PKD1: variants seen among roughly 807,000 people sequenced by gnomAD.
PKD1 encodes polycystin 1, transient receptor potential channel interacting.
A neutral mutation model predicts 361.7 loss-of-function variants in PKD1; 81 were observed. That is an observed-to-expected ratio of 0.22 (90% CI 0.19 to 0.27). The LOEUF (loss-of-function observed/expected upper bound fraction) is 0.27. PKD1 is among the 10% of genes least tolerant of loss of function. PKD1 has a pLI of 1.00. For synonymous variants in PKD1, 3,615 were observed against 2,818.3 expected (o/e 1.28, Z -8.95); for missense variants, 6,399 against 6,118.3 (o/e 1.05, Z -1.53).
chr16:2,092,348 G>A (rs983367637), intron 39 of PKD1, 132 bp downstream of exon 39: 11 of 985,316 alleles, frequency 1.1e-5, no homozygotes, highest in African/African-American at 9.6e-5. Context: ...CATATACAGA[G>A]AAGGAAACGG....
chr16:2,118,095 A>G lies in PKD1; in HGVS notation c.897T>C (p.Pro299=), dbSNP rs1448251464. The G allele has an allele frequency of 8.1e-6, 13 of 1,606,896 alleles. No individual in the cohort carries two copies. The highest frequency in any genetic ancestry group is 1.1e-5 in the South Asian group (1 of 90,800). The change falls in exon 5 of 46, where the codon CCT becomes CCC. Residue 299 remains proline, a synonymous_variant. Coordinates refer to ENST00000262304, the MANE Select transcript of PKD1 (RefSeq NM_001009944.3). This position sits in a 1 kb window ranked among gnomAD's most constrained non-coding sequence, Gnocchi z 6.0. The stretch of plus-strand genomic sequence containing the variant: ...CGAAGTCCCAGCGTGTGGCAGTGAC[A>G]GGGAGCGGGGCAGCGATGTGGAAGG... ...LAAFHIAAPL[P]VTATRWDFGD...
chr16:2,113,747 A>G (rs1260670982), intron 11 of PKD1: 3 of 359,846 alleles, frequency 8.3e-6, no homozygotes, highest in African/African-American at 2.1e-5. Context: ...AGGTACCCGC[A>G]AGATGGAGAC....
rs201062488 is a variant in PKD1, at chr16:2,108,982, T to A, written c.6185A>T (p.Gln2062Leu). ...TLVLEVQDAV[Q>L]YVALQSGPCF... The stretch of plus-strand genomic sequence containing the variant: ...GGGGCCGCTCTGCAGGGCCACATAC[T>A]GGACGGCGTCCTGAACCTCCAGCAC... The change falls in exon 15 of 46, where the codon CAG (glutamine) becomes CTG (leucine). Residue 2062 changes from glutamine to leucine, a missense_variant. Gln to Leu is a moderately radical substitution (Grantham distance 113). Transcript: ENST00000262304. The A allele has an allele frequency of 1.7e-4, 276 of 1,610,228 alleles. No homozygotes were observed. Among genetic ancestry groups the A allele is most frequent in the Middle Eastern group, 4.1e-4 (2 of 4,830 alleles).
At chr16:2,095,838 T>A (rs989203573) in intron 34 of PKD1, among the ~76,000 whole-genome samples, 16 of 152,220 alleles carry the variant, frequency 1.1e-4, no homozygotes, top group Admixed American at 1.3e-4. Context: ...TGAATCTGGA[T>A]TTCACAGAGC....
rs2151702359 is a variant in PKD1 at position 2,092,596 on chromosome 16, C to T, written c.11157-4G>A. The stretch of plus-strand genomic sequence containing the variant: ...CCATGGCCAGAGCTCCTCAGACCTG[C>T]CACAGCATCAGTCACACGCTCCAGC... On this transcript the variant is annotated splice_polypyrimidine_tract_variant and splice_region_variant and intron_variant, in intron 38 of 45. Coordinates refer to ENST00000262304, the MANE Select transcript of PKD1 (RefSeq NM_001009944.3). 6.3e-7 allele frequency: 1 copy of T among 1,596,738 alleles called. No individual in the cohort carries two copies. Among genetic ancestry groups the T allele is most frequent in the South Asian group, 1.1e-5 (1 of 90,442 alleles).
intron 34 of PKD1, chr16:2,096,770 G>T (rs1341311164): frequency 4.0e-6 from 1 of 247,054 alleles, no homozygotes; most frequent in Non-Finnish European, 8.0e-6. Context: ...GCCCACCTCG[G>T]CCTCCCAAAG....
Position 2,107,839 on chromosome 16 carries a change from C to G in PKD1, c.7065+44G>C, listed in dbSNP as rs770936821. ...GGAAAACAGTAGATGACCAGGGAGGCTGGGCTGTCCAAGGCAAGTGGCCGA... is the reference window on the plus strand; with the variant it reads ...GGAAAACAGTAGATGACCAGGGAGGGTGGGCTGTCCAAGGCAAGTGGCCGA... On this transcript the variant is annotated intron_variant, in intron 16 of 45. Coordinates refer to ENST00000262304, the MANE Select transcript of PKD1 (RefSeq NM_001009944.3). 2.6e-6 allele frequency: 4 copies of G among 1,528,862 alleles called. No individual in the cohort carries two copies. In the African/African-American group the frequency reaches 5.5e-5, roughly 21 times the overall value. The allele number at this position is 1,528,862 out of a possible 1,614,324, so 94.7% of individuals were successfully genotyped here.
In PKD1 at chr16:2,088,879, G is replaced by GCACACACA. The variant is rs1371941622; in HGVS notation, c.*847_*848insTGTGTGTG. The GCACACACA allele has an allele frequency of 4.3e-6, 2 of 469,380 alleles. No homozygotes were observed. Among genetic ancestry groups the GCACACACA allele is most frequent in the African/African-American group, 6.4e-5 (2 of 31,028 alleles). The allele number at this position is 469,380 out of a possible 1,614,324, so 29.1% of individuals were successfully genotyped here. ...ATACAGCACACTCGCGCGTGCGCGC[G>GCACACACA]CGCACACACACACACACACAGTCAC... On this transcript the variant is annotated 3_prime_UTR_variant, in exon 46 of 46. Coordinates refer to ENST00000262304, the MANE Select transcript of PKD1 (RefSeq NM_001009944.3).
chr16:2,099,697 C>G lies in PKD1; in HGVS notation c.9997G>C (p.Val3333Leu), dbSNP rs2092008224. The change falls in exon 30 of 46, where the codon GTC becomes CTC. Residue 3333 changes from valine to leucine, a missense_variant. Val to Leu is a conservative substitution (Grantham distance 32). Coordinates refer to ENST00000262304, the MANE Select transcript of PKD1 (RefSeq NM_001009944.3). ...VAVGLVSSVVVYPVYLAILFL... is the reference protein window; with the variant it reads ...VAVGLVSSVVLYPVYLAILFL... ...AGGATGGCCAGGTAGACGGGATAGA[C>G]AACCACGCTGGACACCAGGCCAACA... 2 of 1,592,996 alleles carry G rather than the reference C, an allele frequency of 1.3e-6. No homozygotes were observed.
In PKD1 at chr16:2,118,329, G is replaced by A. The variant is rs900778678; in HGVS notation, c.663C>T (p.Leu221=). The change falls in exon 5 of 46, where the codon CTC becomes CTT. Residue 221 remains leucine, a synonymous_variant. Transcript: ENST00000262304. This position sits in a 1 kb window ranked among gnomAD's most constrained non-coding sequence, Gnocchi z 6.0. ...ACCAGCCCTGCTCCGAGAGGGCTGC[G>A]AGGCCCTGGCCGGTGGAGAAGCAGA... The part of the protein sequence containing the change: ...SAFCFSTGQG[L]AALSEQGWCL... The A allele has an allele frequency of 2.6e-5, 39 of 1,486,626 alleles. No homozygotes were observed. In the African/African-American group the frequency reaches 3.8e-4, roughly 14 times the overall value. The allele number at this position is 1,486,626 out of a possible 1,614,324, so 92.1% of individuals were successfully genotyped here.
In PKD1 at chr16:2,100,344, G is replaced by A; in HGVS notation, c.9569-35C>T. ...CGCAGGAGGGAGGTCAGGCTCGCAG[G>A]GCGCCCCAATGCGGGGGCAGAGGGG... On this transcript the variant is annotated intron_variant, in intron 27 of 45. Coordinates refer to ENST00000262304, the MANE Select transcript of PKD1 (RefSeq NM_001009944.3). The surrounding 1 kb of genome is among the most constrained non-coding windows in gnomAD (Gnocchi z 4.4). 6.2e-7 allele frequency: 1 copy of A among 1,610,428 alleles called. No homozygotes were observed. Among genetic ancestry groups the A allele is most frequent in the Non-Finnish European group, 8.5e-7 (1 of 1,179,276 alleles).
rs1376608198 is a variant in PKD1 at position 2,102,145 on chromosome 16, G to A, written c.9313C>T (p.Arg3105Trp). The change falls in exon 26 of 46, where the codon CGG becomes TGG. Residue 3105 changes from arginine (R) to tryptophan (W), a missense_variant. Coordinates refer to ENST00000262304, the MANE Select transcript of PKD1 (RefSeq NM_001009944.3). ...LHKLDQLDAS[R>W]GRAIPFCGQR... ...CCACAGAAAGGGATGGCGCGGCCCC[G>A]GCTGGCATCCAACTGGTCCAGCTTG... 24 of 1,568,182 alleles carry A rather than the reference G, an allele frequency of 1.5e-5. 1 individual carries two copies. Among genetic ancestry groups the A allele is most frequent in the African/African-American group, 2.9e-5 (2 of 68,798 alleles).
Position 2,114,500 on chromosome 16 carries a change from G to A in PKD1, c.2523C>T (p.Asn841=), listed in dbSNP as rs760288772. The A allele has an allele frequency of 2.8e-5, 45 of 1,595,878 alleles. No individual in the cohort carries two copies. Among genetic ancestry groups the A allele is most frequent in the Middle Eastern group, 4.5e-4 (2 of 4,450 alleles). Residue 841 remains asparagine (N), a synonymous_variant, in exon 11 of 46, where the codon AAC becomes AAT. Transcript: ENST00000262304. ...CCACCTGGAGCACCAAGGCTGAGCCGTTGGTGGGCACGTAGAGGCGGCCGT... is the reference window on the plus strand; with the variant it reads ...CCACCTGGAGCACCAAGGCTGAGCCATTGGTGGGCACGTAGAGGCGGCCGT... ...PRDGRLYVPT[N]GSALVLQVDS... is the part of the protein sequence containing the mutation.
At chr16:2,107,442 C>T in intron 16 of PKD1, 1 of 360,630 alleles carries the variant, frequency 2.8e-6, no homozygotes, top group Admixed American at 4.0e-5. Flanking sequence ...GGAACAGACG[C>T]CCACTCTGGG....
At chr16:2,132,574 CAAAAAAA>C (rs57615937) in intron 1 of PKD1, among the ~76,000 whole-genome samples, 2 of 43,252 alleles carry the variant, frequency 4.6e-5, no homozygotes, top group Non-Finnish European at 9.9e-5. Flanking sequence ...GACTCCGTCT[CAAAAAAA>C]AAAAAAAAAA....
In PKD1 at chr16:2,114,714, C is replaced by T. The variant is rs1180787444; in HGVS notation, c.2309G>A (p.Arg770Gln). ...GTWACPACAL[R>Q]LLAATEQLTV... is the part of the protein sequence containing the mutation. ...GAGCTGTTCCGTGGCTGCAAGCAGCCGCAGGGCACAGGCAGGGCAGGCCCA... is the reference window on the plus strand; with the variant it reads ...GAGCTGTTCCGTGGCTGCAAGCAGCTGCAGGGCACAGGCAGGGCAGGCCCA... Residue 770 changes from arginine (R) to glutamine (Q), a missense_variant, in exon 11 of 46, where the codon CGG becomes CAG. Physicochemically the swap from Arg to Gln is conservative, Grantham distance 43. Coordinates refer to ENST00000262304, the MANE Select transcript of PKD1 (RefSeq NM_001009944.3). 18 of 1,533,558 alleles carry T rather than the reference C, an allele frequency of 1.2e-5. No homozygotes were observed. Among genetic ancestry groups the T allele is most frequent in the Non-Finnish European group, 1.4e-5 (16 of 1,146,530 alleles). 95.0% of individuals were successfully genotyped at this position (1,533,558 alleles called of 1,614,324 possible). A position where few individuals can be genotyped will look rare whatever the true frequency, so the allele number is the denominator to read the frequency against.
chr16:2,120,594 C>CG (rs2092705345), intron 1 of PKD1, among the ~76,000 whole-genome samples: 1 of 152,108 alleles, frequency 6.6e-6, no homozygotes, highest in Non-Finnish European at 1.5e-5. Flanking sequence ...TCCAGCTACT[C>CG]GGGGGGCTGA....
intron 1 of PKD1, among the ~76,000 whole-genome samples, chr16:2,130,778 T>G (rs548290760): frequency 3.3e-5 from 5 of 152,228 alleles, no homozygotes; most frequent in African/African-American, 7.2e-5. Context: ...TCTCCCACAC[T>G]CTCCTGTCAT....
Position 2,100,500 on chromosome 16 carries a change from T to A in PKD1, c.9464A>T (p.Asp3155Val), listed in dbSNP as rs773516971. The A allele has an allele frequency of 1.2e-6, 2 of 1,610,386 alleles. No individual in the cohort carries two copies. Among genetic ancestry groups the A allele is most frequent in the Non-Finnish European group, 1.7e-6 (2 of 1,179,576 alleles). ...GTTGCGGTGGAAGGCTCTGTCGCCG[T>A]CCAGGTGCCGGTGGCCGCTCCGGCT... ...VDSRSGHRHLDGDRAFHRNSL... is the reference protein window; with the variant it reads ...VDSRSGHRHLVGDRAFHRNSL... The change falls in exon 27 of 46, where the codon GAC becomes GTC. Residue 3155 changes from aspartate (D) to valine (V), a missense_variant. Transcript: ENST00000262304. The surrounding 1 kb of genome is among the most constrained non-coding windows in gnomAD (Gnocchi z 4.4).
Sources: gnomAD v4.1 joint callset for allele counts (sites outside exome capture counted in the v4.1 genomes callset) on GRCh38, gnomAD v4.1.1 for gene constraint, Gnocchi (gnomAD v3.1) non-coding constraint, MANE v1.5 for transcripts, NCBI Gene and HGNC (gene_info 2026-07-23, HGNC 2026-07-21) for gene names.